EYS: variants seen among roughly 807,000 people sequenced by gnomAD.
EYS encodes protein eyes shut homolog.
In EYS, 250 loss-of-function variants were observed where a neutral mutation model predicts 282.1. The observed-to-expected ratio is 0.89, with a 90% CI of 0.80 to 0.98. The LOEUF is 0.98. Ranked by LOEUF, EYS falls within the 50% of genes least tolerant of loss-of-function variation. The pLI, the probability that EYS is intolerant of heterozygous loss-of-function variation, is 0.00. For synonymous variants in EYS, 1,355 were observed against 1,282.9 expected, an observed-to-expected ratio of 1.06 and a Z score of -1.20; for missense variants, 4,016 against 3,709.0, an observed-to-expected ratio of 1.08 and a Z score of -2.15.
chr6:64,642,321 A>G (rs1285747642), intron 22 of EYS, among the ~76,000 whole-genome samples: 2 of 152,202 alleles, frequency 1.3e-5, no homozygotes, highest in Non-Finnish European at 2.9e-5. Flanking sequence ...AATAATTACC[A>G]GTTTTCAGAA....
intron 29 of EYS, among the ~76,000 whole-genome samples, chr6:64,322,511 C>T (rs957716466): frequency 1.3e-5 from 2 of 151,920 alleles, no homozygotes; most frequent in Admixed American, 6.6e-5. Flanking sequence ...ACTTGAGGGG[C>T]CAATATCTCA....
chr6:64,146,491 G>T (rs1188146374), intron 31 of EYS, among the ~76,000 whole-genome samples: 1 of 152,106 alleles, frequency 6.6e-6, no homozygotes, highest in Non-Finnish European at 1.5e-5. Flanking sequence ...TAGTTTATAT[G>T]GAATGTGATT....
chr6:64,050,283 T>G (rs1733269040), intron 33 of EYS, among the ~76,000 whole-genome samples: 1 of 152,178 alleles, frequency 6.6e-6, no homozygotes. Context: ...CCCCCTGCCA[T>G]TATGTTGTAT....
chr6:64,990,468 T>G (rs564486258), intron 14 of EYS, among the ~76,000 whole-genome samples: 1 of 151,740 alleles, frequency 6.6e-6, no homozygotes, highest in East Asian at 1.9e-4. Flanking sequence ...TAAAGTGCAG[T>G]GTTTGTTTTG....
intron 22 of EYS, among the ~76,000 whole-genome samples, chr6:64,668,017 A>G (rs2149893632): frequency 6.6e-6 from 1 of 152,300 alleles, no homozygotes; most frequent in Non-Finnish European, 1.5e-5. Context: ...AGTTGGGCGT[A>G]AGAATTTGCA....
chr6:64,272,760 T>C (rs1767985529), intron 30 of EYS, among the ~76,000 whole-genome samples: 1 of 152,124 alleles, frequency 6.6e-6, no homozygotes, highest in African/African-American at 2.4e-5. Context: ...AACAGCTTAA[T>C]AGTATAAATC....
intron 26 of EYS, among the ~76,000 whole-genome samples, chr6:64,557,737 T>C (rs1765275474): frequency 6.6e-6 from 1 of 152,036 alleles, no homozygotes; most frequent in Non-Finnish European, 1.5e-5. Context: ...TAATTTATTA[T>C]AGGGGTCAGC....
At chr6:63,727,445 AT>A (rs537004498) in intron 41 of EYS, among the ~76,000 whole-genome samples, 1 of 151,278 alleles carries the variant, frequency 6.6e-6, no homozygotes, top group Non-Finnish European at 1.5e-5. Flanking sequence ...GCATTTGCTG[AT>A]TTTTTTTAAA....
intron 13 of EYS, among the ~76,000 whole-genome samples, chr6:65,000,150 G>T (rs1771416112): frequency 6.6e-6 from 1 of 152,164 alleles, no homozygotes; most frequent in African/African-American, 2.4e-5. Flanking sequence ...ATGCACTGCG[G>T]TGGAGTCAGA....
intron 26 of EYS, among the ~76,000 whole-genome samples, chr6:64,567,071 G>A (rs1432094711): frequency 1.3e-5 from 2 of 151,868 alleles, no homozygotes; most frequent in African/African-American, 2.4e-5. Flanking sequence ...CACTCCACCC[G>A]GCCTTAATTC....
At chr6:65,649,962 A>G (rs1029814005) in intron 1 of EYS, among the ~76,000 whole-genome samples, 6 of 152,234 alleles carry the variant, frequency 3.9e-5, no homozygotes, top group Non-Finnish European at 8.8e-5. Flanking sequence ...AGTTAAATAT[A>G]CACTACTTAA....
intron 29 of EYS, among the ~76,000 whole-genome samples, chr6:64,369,893 T>G (rs1772305479): frequency 6.6e-6 from 1 of 152,074 alleles, no homozygotes. Context: ...TCCTAAAACT[T>G]TGCCAAAGTT....
At chr6:64,698,350 T>C (rs898764714) in intron 22 of EYS, among the ~76,000 whole-genome samples, 1 of 151,824 alleles carries the variant, frequency 6.6e-6, no homozygotes, top group African/African-American at 2.4e-5. Flanking sequence ...CTAAAGGAAA[T>C]TGAGAATAAA....
At chr6:64,841,643 T>C (rs1381127820) in intron 19 of EYS, among the ~76,000 whole-genome samples, 2 of 152,152 alleles carry the variant, frequency 1.3e-5, no homozygotes, top group Non-Finnish European at 2.9e-5. Context: ...CAACAGGAAG[T>C]GATATGCTGG....
At chr6:64,569,017 G>A (rs1471617716) in intron 26 of EYS, among the ~76,000 whole-genome samples, 3 of 79,218 alleles carry the variant, frequency 3.8e-5, no homozygotes, top group Non-Finnish European at 7.0e-5. Context: ...AATCCACAAA[G>A]ATGGAAAAGA....
chr6:65,057,537 A>G (rs149244405), intron 13 of EYS, 77 bp downstream of exon 13: 1 of 875,024 alleles, frequency 1.1e-6, no homozygotes, highest in East Asian at 2.6e-5. Context: ...GAAGACTGAA[A>G]TGAGTTCAGA....
At chr6:63,935,388 A>C (rs758105338) in intron 35 of EYS, among the ~76,000 whole-genome samples, 4 of 152,228 alleles carry the variant, frequency 2.6e-5, no homozygotes, top group Non-Finnish European at 5.9e-5. Context: ...TTTTTTCCCC[A>C]AAATTCATAT....
intron 19 of EYS, among the ~76,000 whole-genome samples, chr6:64,872,466 G>T (rs1317516106): frequency 1.3e-5 from 2 of 151,954 alleles, no homozygotes; most frequent in Admixed American, 6.6e-5. Flanking sequence ...TGGCTGGCTG[G>T]CGATTTCTTG....
chr6:63,908,033 CGTTTGTGTGTGTGTGTGTGT>C (rs1773826012), intron 35 of EYS, among the ~76,000 whole-genome samples: 1 of 110,480 alleles, frequency 9.1e-6, no homozygotes, highest in South Asian at 3.0e-4. Context: ...TATATATATA[CGTTTGTGTGTGTGTGTGTGT>C]GTGTGTGTGT....
Sources: gnomAD v4.1 joint callset for allele counts (sites outside exome capture counted in the v4.1 genomes callset) on GRCh38, gnomAD v4.1.1 for gene constraint, MANE v1.5 for transcripts, NCBI Gene and HGNC (gene_info 2026-07-23, HGNC 2026-07-21) for gene names.